The following SYN3 variants were observed in gnomAD, a reference collection of about 807,000 sequenced individuals.
The protein encoded by SYN3 is synapsin-3.
SYN3 carries 35 observed loss-of-function variants against 65.8 expected under a neutral mutation model. The ratio of observed to expected loss-of-function variants is 0.53; its 90% confidence interval spans 0.41 to 0.70. SYN3 has a LOEUF of 0.70. Among genes scored for constraint, SYN3 ranks in the 30% least tolerant of loss-of-function variants. The probability of loss-of-function intolerance (pLI) is 0.00; values close to 1 mark genes in which losing one functional copy is unlikely to be tolerated. For missense variants in SYN3, 680 were observed against 749.0 expected, an observed-to-expected ratio of 0.91 and a Z score of 1.08; for synonymous variants, 270 against 292.9, an observed-to-expected ratio of 0.92 and a Z score of 0.80.
At chr22:32,569,450 C>CTA (rs1569047921) in intron 7 of SYN3, among the ~76,000 whole-genome samples, 8 of 133,676 alleles carry the variant, frequency 6.0e-5, no homozygotes, top group African/African-American at 8.5e-5. Flanking sequence ...TATCTATCTT[C>CTA]TCTATCTATC....
At chr22:32,792,622 G>A (rs542659898) in intron 6 of SYN3, among the ~76,000 whole-genome samples, 36 of 152,176 alleles carry the variant, frequency 2.4e-4, no homozygotes, top group African/African-American at 8.2e-4. Context: ...GGGCACACCC[G>A]CACCCCTAGA....
chr22:32,761,157 C>A (rs2045467340), intron 6 of SYN3, among the ~76,000 whole-genome samples: 1 of 152,152 alleles, frequency 6.6e-6, no homozygotes, highest in African/African-American at 2.4e-5. Flanking sequence ...GGCAATGCAT[C>A]TTCAGTTCTA....
chr22:32,650,298 A>G (rs571818855), intron 6 of SYN3, among the ~76,000 whole-genome samples: 2,071 of 115,032 alleles, frequency 0.018, 98 homozygotes, highest in Middle Eastern at 0.058. Flanking sequence ...ACAGAGTCTC[A>G]CTCTATCACC....
chr22:32,754,457 C>CT (rs1365751705), intron 6 of SYN3, among the ~76,000 whole-genome samples: 3 of 140,106 alleles, frequency 2.1e-5, no homozygotes, highest in South Asian at 2.2e-4. Flanking sequence ...TGGCCTCTTT[C>CT]TTTTAAAAAA....
At chr22:32,931,239 T>C in intron 4 of SYN3, 151 bp downstream of exon 4, 1 of 609,854 alleles carries the variant, frequency 1.6e-6, no homozygotes, top group Non-Finnish European at 3.0e-6. Context: ...TGGTCATTAC[T>C]ACTGCAACCA....
intron 6 of SYN3, among the ~76,000 whole-genome samples, chr22:32,857,725 A>G (rs2048410889): frequency 6.6e-6 from 1 of 152,224 alleles, no homozygotes; most frequent in Non-Finnish European, 1.5e-5. Flanking sequence ...AAACAAAAAC[A>G]AAAATCATTA....
intron 1 of SYN3, among the ~76,000 whole-genome samples, chr22:33,036,768 C>T (rs1015130951): frequency 2.7e-5 from 4 of 150,254 alleles, no homozygotes; most frequent in Non-Finnish European, 5.9e-5. Flanking sequence ...CTCGGCCCAC[C>T]ACAACCTCCG....
Position 32,641,390 on chromosome 22 carries a change from T to C in SYN3, c.712-44654A>G, listed in dbSNP as rs551036431. ...TTGGGAGGCTGAGGCAGGCGGATCATGAGGTCAGGAGATCGAGACCATTCT... is the reference window on the plus strand; with the variant it reads ...TTGGGAGGCTGAGGCAGGCGGATCACGAGGTCAGGAGATCGAGACCATTCT... On this transcript the variant is annotated intron_variant, in intron 6 of 13. Coordinates refer to ENST00000358763, the MANE Select transcript of SYN3 (RefSeq NM_003490.4). Among the ~76,000 whole-genome samples, 3 of 151,824 alleles carry C rather than the reference T, an allele frequency of 2.0e-5. No individual in the cohort carries two copies. In the East Asian group the frequency reaches 5.9e-4, roughly 30 times the overall value.
At chr22:32,552,894 G>A (rs1237362870) in intron 7 of SYN3, among the ~76,000 whole-genome samples, 6 of 152,204 alleles carry the variant, frequency 3.9e-5, no homozygotes, top group Admixed American at 3.9e-4. Flanking sequence ...CAAAATACCA[G>A]AGACTAGGCG....
At chr22:32,656,159 A>G (rs926479182) in intron 6 of SYN3, among the ~76,000 whole-genome samples, 3 of 152,214 alleles carry the variant, frequency 2.0e-5, no homozygotes, top group African/African-American at 7.2e-5. Context: ...CTGTTTCACA[A>G]GTATATCCTT....
At chr22:33,057,186 T>A (rs2054268100) in intron 1 of SYN3, among the ~76,000 whole-genome samples, 1 of 152,146 alleles carries the variant, frequency 6.6e-6, no homozygotes, top group African/African-American at 2.4e-5. Context: ...CCGGCCTCCA[T>A]CCATTGTCCC....
At chr22:32,868,897 C>T in intron 5 of SYN3, 69 bp downstream of exon 5, 2 of 1,512,612 alleles carry the variant, frequency 1.3e-6, no homozygotes, top group Non-Finnish European at 1.8e-6. Flanking sequence ...GGGGAGTGGG[C>T]TTGTCGCAGA....
intron 6 of SYN3, among the ~76,000 whole-genome samples, chr22:32,697,691 A>C (rs2060755751): frequency 6.6e-6 from 1 of 152,174 alleles, no homozygotes; most frequent in African/African-American, 2.4e-5. Flanking sequence ...ACTCTGCTTC[A>C]AGTCATCCTG....
chr22:32,559,483 AAAT>A (rs1293835416), intron 7 of SYN3, among the ~76,000 whole-genome samples: 1 of 152,172 alleles, frequency 6.6e-6, no homozygotes, highest in African/African-American at 2.4e-5. Context: ...TGTCTCGTTA[AAAT>A]AATAATTGGT....
rs944627747 is a variant in SYN3, at chr22:32,975,352, C to T, written c.369+5293G>A. 2.0e-5 allele frequency among the ~76,000 whole-genome samples: 3 copies of T among 147,492 alleles called. No homozygotes were observed. The Admixed American group carries it at 2.1e-4, about 10-fold the overall frequency. ...ATCTCACCATTGCACTCCAGCCCAG[C>T]GACAGAGTGAGACTCCGCCTCAAAA... On this transcript the variant is annotated intron_variant, in intron 3 of 13. Transcript: ENST00000358763.
chr22:32,527,971 T>G lies in SYN3; in HGVS notation c.1265A>C (p.Gln422Pro). ...PQIKSAKSPG[Q>P]AQLGPQLGQP... Reference sequence around the variant, plus strand: ...GCCTAGCTGAGGCCCCAGCTGGGCTTGCCCTGGGGATTTCGCTGATTTAAT... The same window carrying G: ...GCCTAGCTGAGGCCCCAGCTGGGCTGGCCCTGGGGATTTCGCTGATTTAAT... The change falls in exon 12 of 14, where the codon CAA becomes CCA. Residue 422 changes from glutamine (Q) to proline (P), a missense_variant. Gln to Pro is a moderately conservative substitution (Grantham distance 76). Coordinates refer to ENST00000358763, the MANE Select transcript of SYN3 (RefSeq NM_003490.4). The G allele has an allele frequency of 1.9e-6, 3 of 1,591,060 alleles. No homozygotes were observed. Among genetic ancestry groups the G allele is most frequent in the Non-Finnish European group, 2.6e-6 (3 of 1,167,814 alleles).
chr22:33,044,355 C>T (rs565459537), intron 1 of SYN3, among the ~76,000 whole-genome samples: 15 of 152,276 alleles, frequency 9.9e-5, no homozygotes, highest in Admixed American at 4.6e-4. Context: ...ATTCTGTCCA[C>T]GTGGCTCTTG....
At chr22:32,655,440 C>T (rs1441085818) in intron 6 of SYN3, among the ~76,000 whole-genome samples, 1 of 152,158 alleles carries the variant, frequency 6.6e-6, no homozygotes, top group Non-Finnish European at 1.5e-5. Context: ...AATCTGTGAC[C>T]TGTTAGGAAT....
At chr22:32,593,058 C>T (rs932745696) in intron 7 of SYN3, among the ~76,000 whole-genome samples, 1 of 152,182 alleles carries the variant, frequency 6.6e-6, no homozygotes, top group Non-Finnish European at 1.5e-5. Context: ...TCTTCACTCC[C>T]AAGAGAAGGT....
Sources: gnomAD v4.1 joint callset for allele counts (sites outside exome capture counted in the v4.1 genomes callset) on GRCh38, gnomAD v4.1.1 for gene constraint, MANE v1.5 for transcripts, NCBI Gene and HGNC (gene_info 2026-07-23, HGNC 2026-07-21) for gene names.